RMDN2: variants seen among roughly 807,000 people sequenced by gnomAD.
The protein encoded by RMDN2 is regulator of microtubule dynamics protein 2.
In RMDN2, 61 loss-of-function variants were observed where a neutral mutation model predicts 52.8. The observed-to-expected ratio is 1.16, with a 90% CI of 0.94 to 1.43. RMDN2 has a LOEUF of 1.43. Among genes scored for constraint, RMDN2 ranks in the 40% most tolerant of loss-of-function variants. The pLI is 0.00. For synonymous variants in RMDN2, 180 were observed against 153.1 expected (o/e 1.18, Z -1.30); for missense variants, 592 against 475.3 (o/e 1.25, Z -2.28).
At chr2:38,015,564 A>AG (rs11409778) in intron 10 of RMDN2, among the ~76,000 whole-genome samples, 2 of 72,684 alleles carry the variant, frequency 2.8e-5, no homozygotes, top group East Asian at 2.0e-3. Flanking sequence ...ACTCCGTCTC[A>AG]AAAAAAAAAA....
intron 7 of RMDN2, among the ~76,000 whole-genome samples, chr2:37,993,616 T>C (rs1031067484): frequency 2.0e-5 from 3 of 151,920 alleles, no homozygotes; most frequent in Non-Finnish European, 2.9e-5. Flanking sequence ...AACCACCTGA[T>C]AGTCGGAGGC....
At chr2:38,019,121 A>T (rs1343923274), downstream of RMDN2, among the ~76,000 whole-genome samples, 13 of 152,234 alleles carry the variant, frequency 8.5e-5, no homozygotes, top group Non-Finnish European at 1.8e-4. Flanking sequence ...GAGGCTATGG[A>T]TACCTCTGGC....
At chr2:37,926,939 AAAG>A (rs1005939652) in intron 1 of RMDN2, among the ~76,000 whole-genome samples, 3 of 152,108 alleles carry the variant, frequency 2.0e-5, no homozygotes, top group African/African-American at 7.2e-5. Context: ...CTAAAAAAAA[AAAG>A]CTATGTAAAT....
intron 10 of RMDN2, among the ~76,000 whole-genome samples, chr2:38,040,445 C>G (rs968127486): frequency 1.3e-5 from 2 of 152,130 alleles, no homozygotes; most frequent in Non-Finnish European, 2.9e-5. Flanking sequence ...AGCAAGCTCC[C>G]TTGTCCCTTC....
At chr2:37,991,913 T>C (rs766371927) in intron 7 of RMDN2, among the ~76,000 whole-genome samples, 6 of 152,216 alleles carry the variant, frequency 3.9e-5, no homozygotes, top group Admixed American at 6.5e-5. Context: ...TGAAAATGTA[T>C]CTTAAGAATA....
At chr2:37,959,758 A>G (rs2125007724) in intron 2 of RMDN2, among the ~76,000 whole-genome samples, 1 of 150,850 alleles carries the variant, frequency 6.6e-6, no homozygotes, top group South Asian at 2.1e-4. Flanking sequence ...TCAATTTTAG[A>G]TCTTTTCTGC....
At chr2:37,957,399 A>G (rs1035191965) in intron 2 of RMDN2, among the ~76,000 whole-genome samples, 3 of 152,150 alleles carry the variant, frequency 2.0e-5, no homozygotes, top group African/African-American at 4.8e-5. Flanking sequence ...CATTTCTCTA[A>G]TGACCAGTGA....
intron 2 of RMDN2, 44 bp from the exon 3 acceptor site, chr2:37,973,996 T>C (rs1672133085): frequency 6.8e-7 from 1 of 1,461,580 alleles, no homozygotes; most frequent in Non-Finnish European, 9.5e-7. Context: ...CTGGCTATTA[T>C]ACTTAACTTT....
chr2:38,039,676 C>CT (rs1255721391), intron 10 of RMDN2, among the ~76,000 whole-genome samples: 2 of 152,196 alleles, frequency 1.3e-5, no homozygotes, highest in African/African-American at 2.4e-5. Context: ...CACCCAGTGT[C>CT]TGAGGCTGCA....
chr2:37,974,664 A>G (rs112259518), intron 3 of RMDN2: 1 of 152,240 alleles, frequency 6.6e-6, no homozygotes, highest in African/African-American at 2.4e-5. Flanking sequence ...AAAATAAAAT[A>G]AAATTAAAAA....
intron 2 of RMDN2, among the ~76,000 whole-genome samples, chr2:37,935,557 T>A (rs2124910418): frequency 6.6e-6 from 1 of 152,332 alleles, no homozygotes; most frequent in African/African-American, 2.4e-5. Flanking sequence ...ACATCACGTA[T>A]ATAATTGAAG....
intron 5 of RMDN2, among the ~76,000 whole-genome samples, chr2:37,988,040 T>C (rs553094727): frequency 6.6e-6 from 1 of 152,258 alleles, no homozygotes; most frequent in East Asian, 1.9e-4. Flanking sequence ...GACTGGGCGA[T>C]AGAGCATGTC....
chr2:37,973,902 C>T, intron 2 of RMDN2, 138 bp from the exon 3 acceptor site: 2 of 648,884 alleles, frequency 3.1e-6, no homozygotes, highest in Non-Finnish European at 5.2e-6. Flanking sequence ...AGGACTGGAG[C>T]TTTTTCTGAG....
chr2:37,951,657 G>A (rs776357587), intron 2 of RMDN2: 2 of 1,613,210 alleles, frequency 1.2e-6, no homozygotes, highest in South Asian at 1.1e-5. Context: ...TGATCCTCAA[G>A]CAAGTGGCCA....
At chr2:38,004,321 T>C in intron 10 of RMDN2, 105 bp downstream of exon 10, 1 of 729,238 alleles carries the variant, frequency 1.4e-6, no homozygotes, top group Non-Finnish European at 2.3e-6. Context: ...TCTATTCAAT[T>C]TTATGTATTT....
chr2:37,933,115 G>A (rs566585005), intron 2 of RMDN2, among the ~76,000 whole-genome samples: 297 of 151,526 alleles, frequency 2.0e-3, no homozygotes, highest in African/African-American at 6.6e-3. Context: ...GGGCAGAGAC[G>A]CTCCTCACAT....
At chr2:38,027,362 C>T (rs766579050) in intron 10 of RMDN2, 2 of 152,000 alleles carry the variant, frequency 1.3e-5, no homozygotes, top group Admixed American at 6.6e-5. Context: ...CTTTTTATAC[C>T]GTGTCCCTGT....
At chr2:37,933,838 A>G (rs900119691) in intron 2 of RMDN2, among the ~76,000 whole-genome samples, 21 of 152,316 alleles carry the variant, frequency 1.4e-4, no homozygotes, top group African/African-American at 4.8e-4. Flanking sequence ...TAGATGTGAA[A>G]TCTTTCTAAA....
chr2:37,950,910 G>C (rs1199101312), intron 2 of RMDN2, among the ~76,000 whole-genome samples: 1 of 151,864 alleles, frequency 6.6e-6, no homozygotes, highest in African/African-American at 2.4e-5. Context: ...TTTTGTTCTG[G>C]TATCCTTGCA....
Sources: allele counts gnomAD v4.1 joint callset (sites outside exome capture counted in the v4.1 genomes callset), GRCh38; gene constraint gnomAD v4.1.1; transcripts MANE v1.5; gene names NCBI Gene and HGNC (gene_info 2026-07-23, HGNC 2026-07-21).